Variants in KAZN observed in about 807,000 individuals in gnomAD.
The protein encoded by KAZN is kazrin, periplakin interacting protein, also known as kazrin.
Under a neutral mutation model 87.4 loss-of-function variants are expected in KAZN, and 40 were observed. The observed-to-expected ratio is 0.46, with a 90% CI of 0.36 to 0.60. The LOEUF is 0.60. Ranked by LOEUF, KAZN falls within the 20% of genes least tolerant of loss-of-function variation. The probability of loss-of-function intolerance (pLI) is 0.00; values close to 1 mark genes in which losing one functional copy is unlikely to be tolerated. For missense variants in KAZN, 898 were observed against 1,073.9 expected, an observed-to-expected ratio of 0.84 and a Z score of 2.29; for synonymous variants, 466 against 458.3, an observed-to-expected ratio of 1.02 and a Z score of -0.22.
intron 2 of KAZN, chr1:14,349,114 A>T (rs1658331413): frequency 1.3e-5 from 2 of 152,276 alleles, no homozygotes; most frequent in African/African-American, 4.8e-5. Flanking sequence ...TGAACCTGTG[A>T]AGTAAAGACA....
At chr1:14,610,840 A>G (rs1404208366) in intron 1 of KAZN, among the ~76,000 whole-genome samples, 1 of 152,104 alleles carries the variant, frequency 6.6e-6, no homozygotes, top group East Asian at 1.9e-4. Context: ...CTTTTTCACT[A>G]TCCCTTTAGG....
intron 2 of KAZN, among the ~76,000 whole-genome samples, chr1:14,421,043 C>T (rs1341550654): frequency 3.3e-5 from 5 of 152,308 alleles, no homozygotes; most frequent in African/African-American, 9.6e-5. Context: ...GCCAAGGAGG[C>T]GTGGAGAGCG....
At chr1:14,740,643 C>A (rs10927527) in intron 1 of KAZN, among the ~76,000 whole-genome samples, 1 of 151,852 alleles carries the variant, frequency 6.6e-6, no homozygotes, top group Admixed American at 6.5e-5. Flanking sequence ...CAGACCTCTC[C>A]CGCTCTGGCC....
intron 8 of KAZN, among the ~76,000 whole-genome samples, chr1:15,088,301 A>T (rs1640362592): frequency 6.6e-6 from 1 of 152,222 alleles, no homozygotes. Context: ...TGCTGGGCCA[A>T]CACAATTGCC....
chr1:14,363,737 A>G (rs34102552), intron 2 of KAZN, among the ~76,000 whole-genome samples: 12 of 152,298 alleles, frequency 7.9e-5, no homozygotes, highest in African/African-American at 2.9e-4. Context: ...AGAACAAGAG[A>G]CAGTGACCAT....
chr1:14,806,532 A>G (rs1472461718), intron 1 of KAZN, among the ~76,000 whole-genome samples: 1 of 152,098 alleles, frequency 6.6e-6, no homozygotes, highest in African/African-American at 2.4e-5. Flanking sequence ...GGCAGGAGAG[A>G]TCCTGGGAGT....
Position 14,167,489 on chromosome 1 carries a change from G to C in KAZN, c.92-12946G>C, listed in dbSNP as rs1012468568. Among the ~76,000 whole-genome samples, 3 of 152,248 alleles carry C rather than the reference G, an allele frequency of 2.0e-5. No homozygotes were observed. In the East Asian group the frequency reaches 5.8e-4, roughly 30 times the overall value. On this transcript the variant is annotated intron_variant, in intron 1 of 16. Transcript: ENST00000636203. Reference sequence around the variant, plus strand: ...TGTAATCCCAGTACTCTGGGAGGACGAGGCACGTGGATCACCTGAGGTCAG... The same window carrying C: ...TGTAATCCCAGTACTCTGGGAGGACCAGGCACGTGGATCACCTGAGGTCAG...
At chr1:14,016,933 A>G (rs1039233480) in intron 1 of KAZN, among the ~76,000 whole-genome samples, 4 of 152,212 alleles carry the variant, frequency 2.6e-5, no homozygotes, top group Admixed American at 6.5e-5. Flanking sequence ...AGCAGTTACC[A>G]TGAATAAAAA....
chr1:14,580,368 G>A (rs1029926582), intron 2 of KAZN, among the ~76,000 whole-genome samples: 17 of 152,136 alleles, frequency 1.1e-4, no homozygotes, highest in Non-Finnish European at 1.3e-4. Flanking sequence ...CCAGCTACTC[G>A]GAAGGCTGAG....
chr1:15,065,763 C>G lies in KAZN; in HGVS notation c.1222+10C>G. 6.2e-7 allele frequency: 1 copy of G among 1,614,088 alleles called. No individual in the cohort carries two copies. Among genetic ancestry groups the G allele is most frequent in the South Asian group, 1.1e-5 (1 of 91,072 alleles). On this transcript the variant is annotated intron_variant, in intron 8 of 14. Transcript: ENST00000376030. ...CCCGGCCTCTTTGATGGTACCGCCC[C>G]TGATTATTACATAGAGGAGGACGCG...
At chr1:14,011,646 G>A (rs932979264) in intron 1 of KAZN, among the ~76,000 whole-genome samples, 29 of 152,154 alleles carry the variant, frequency 1.9e-4, no homozygotes, top group Non-Finnish European at 3.8e-4. Flanking sequence ...TGTAGAGCCA[G>A]ACTGCCTGGG....
chr1:14,073,060 G>GC (rs1422554961), intron 1 of KAZN, among the ~76,000 whole-genome samples: 3 of 152,182 alleles, frequency 2.0e-5, no homozygotes, highest in Admixed American at 2.0e-4. Context: ...GTGAATGATG[G>GC]CAGGGTAAGG....
At chr1:14,579,542 G>A (rs1007052351) in intron 2 of KAZN, among the ~76,000 whole-genome samples, 6 of 151,872 alleles carry the variant, frequency 4.0e-5, no homozygotes, top group East Asian at 1.9e-4. Context: ...GGAGAATGGC[G>A]TGAACCTGGG....
intron 2 of KAZN, among the ~76,000 whole-genome samples, chr1:14,370,027 G>A (rs1317038543): frequency 6.6e-6 from 1 of 152,132 alleles, no homozygotes; most frequent in African/African-American, 2.4e-5. Flanking sequence ...AGGCCTTTTG[G>A]CCCCTCTCCA....
intron 1 of KAZN, among the ~76,000 whole-genome samples, chr1:14,148,345 G>A (rs1298288538): frequency 6.6e-6 from 1 of 152,038 alleles, no homozygotes; most frequent in African/African-American, 2.4e-5. Flanking sequence ...TCTGTTGCTT[G>A]TTTTCACCTT....
At chr1:14,116,787 G>T (rs1644631482) in intron 1 of KAZN, among the ~76,000 whole-genome samples, 1 of 152,212 alleles carries the variant, frequency 6.6e-6, no homozygotes, top group Non-Finnish European at 1.5e-5. Flanking sequence ...CCAGGAGGGA[G>T]GCTGTACCCT....
At chr1:14,935,931 C>T (rs768161008) in intron 1 of KAZN, among the ~76,000 whole-genome samples, 3 of 152,230 alleles carry the variant, frequency 2.0e-5, no homozygotes, top group Non-Finnish European at 2.9e-5. Context: ...AGGTGGTGGC[C>T]GCCTGCTCCC....
chr1:14,779,298 T>C (rs777602529), intron 1 of KAZN, among the ~76,000 whole-genome samples: 2 of 152,202 alleles, frequency 1.3e-5, no homozygotes, highest in Non-Finnish European at 1.5e-5. Flanking sequence ...ACAGAATTTA[T>C]GACTCCTACA....
chr1:14,317,214 T>C (rs1370405596), intron 2 of KAZN, among the ~76,000 whole-genome samples: 16 of 152,008 alleles, frequency 1.1e-4, no homozygotes, highest in Admixed American at 1.0e-3. Context: ...ATTTTGAAGC[T>C]CTGTTATTTA....
Sources: gnomAD v4.1 joint callset for allele counts (sites outside exome capture counted in the v4.1 genomes callset) on GRCh38, gnomAD v4.1.1 for gene constraint, MANE v1.5 for transcripts, NCBI Gene and HGNC (gene_info 2026-07-23, HGNC 2026-07-21) for gene names.